PLEKHA8: variants seen among roughly 807,000 people sequenced by gnomAD.
PLEKHA8 encodes the protein pleckstrin homology domain containing A8, also known as pleckstrin homology domain-containing family A member 8.
A neutral mutation model predicts 68.2 loss-of-function variants in PLEKHA8; 36 were observed. The observed-to-expected ratio is 0.53, with a 90% CI of 0.40 to 0.70. The LOEUF is 0.70. PLEKHA8 is among the 30% of genes least tolerant of loss of function. The pLI is 0.00. For synonymous variants in PLEKHA8, 211 were observed against 216.1 expected (o/e 0.98, Z 0.20); for missense variants, 505 against 615.4 (o/e 0.82, Z 1.90).
rs1390735834 is a variant in PLEKHA8, at chr7:30,052,711, A to G, written c.641A>G (p.Gln214Arg). The G allele has an allele frequency of 4.5e-6, 7 of 1,540,354 alleles. No homozygotes were observed. In the East Asian group the frequency reaches 1.7e-4, roughly 37 times the overall value. Residue 214 changes from glutamine (Q) to arginine (R), a missense_variant and splice_region_variant, in exon 7 of 14, where the codon CAA (glutamine) becomes CGA (arginine). Physicochemically the swap from Gln to Arg is conservative, Grantham distance 43. Coordinates refer to ENST00000449726, the MANE Select transcript of PLEKHA8 (RefSeq NM_001197026.2). ...IIPIHNSLER[Q>R]MELSTCENGS... ...TTTTCCTTTTAAAAAATTTGCAGGC[A>G]AATGGAGTTGAGCACTTGTGAAAAT...
At chr7:30,089,330 A>G (rs1171429086), downstream of PLEKHA8, among the ~76,000 whole-genome samples, 1 of 150,974 alleles carries the variant, frequency 6.6e-6, no homozygotes, top group East Asian at 2.0e-4. Context: ...CTCTCACAAG[A>G]AGCCCGCCCC....
chr7:30,115,878 A>C (rs1382325111), intron 13 of PLEKHA8: 1 of 144,694 alleles, frequency 6.9e-6, no homozygotes, highest in Non-Finnish European at 1.5e-5. Context: ...ACATGTAGGC[A>C]CGCATACATG....
intron 13 of PLEKHA8, 97 bp from the exon 14 acceptor site, chr7:30,078,493 A>G: frequency 4.8e-6 from 6 of 1,255,622 alleles, no homozygotes; most frequent in Admixed American, 1.9e-5. Flanking sequence ...AGCTGTTTGT[A>G]TGTGTGAAAG....
At chr7:30,056,758 T>TAA (rs1792998298) in intron 9 of PLEKHA8, among the ~76,000 whole-genome samples, 4 of 125,242 alleles carry the variant, frequency 3.2e-5, no homozygotes, top group African/African-American at 1.3e-4. Context: ...TGTGTGTGTG[T>TAA]GTGTGTGTGT....
intron 13 of PLEKHA8, among the ~76,000 whole-genome samples, chr7:30,116,851 A>G (rs1259325693): frequency 6.6e-6 from 1 of 152,218 alleles, no homozygotes. Flanking sequence ...AAATAACAGA[A>G]TTTAGCAGCA....
chr7:30,119,788 C>A (rs551794450), intron 13 of PLEKHA8, among the ~76,000 whole-genome samples: 37 of 152,350 alleles, frequency 2.4e-4, no homozygotes, highest in Non-Finnish European at 4.6e-4. Flanking sequence ...AAAGCTTCCA[C>A]CCTGCTTCAT....
rs113954074 is a variant in PLEKHA8, at chr7:30,063,414, G to T, written c.1300+672G>T. ...GTTGAGATTGGGGAGCATCCTTAGA[G>T]TGCTTCTAATGGAGTGGCTGAACTC... is the stretch of plus-strand genomic sequence containing the variant. On this transcript the variant is annotated intron_variant, in intron 12 of 13. Coordinates refer to ENST00000449726, the MANE Select transcript of PLEKHA8 (RefSeq NM_001197026.2). Among the ~76,000 whole-genome samples the T allele has an allele frequency of 2.5e-4, 38 of 152,342 alleles. 1 individual carries two copies. The highest frequency in any genetic ancestry group is 7.5e-4 in the African/African-American group (31 of 41,584).
At chr7:30,095,741 A>G (rs553345927), downstream of PLEKHA8, among the ~76,000 whole-genome samples, 216 of 152,300 alleles carry the variant, frequency 1.4e-3, 1 homozygote, top group Non-Finnish European at 2.5e-3. Flanking sequence ...CTTTCTACAT[A>G]TGGCTAGCCA....
chr7:30,055,137 A>G (rs936491964), intron 8 of PLEKHA8, 120 bp from the exon 9 acceptor site: 5 of 883,428 alleles, frequency 5.7e-6, no homozygotes, highest in East Asian at 2.5e-5. Flanking sequence ...TTACTGGGGC[A>G]TATCAAGTCA....
rs959090338 is a variant in PLEKHA8, at chr7:30,028,553, G to A, written c.-210G>A. ...GCTTCGCCCCACGGGTTCACCGGCTGGCTGGGCTTCAAGCGCCGAGGCCGC... is the reference window on the plus strand; with the variant it reads ...GCTTCGCCCCACGGGTTCACCGGCTAGCTGGGCTTCAAGCGCCGAGGCCGC... On this transcript the variant is annotated 5_prime_UTR_variant, in exon 1 of 14. Transcript: ENST00000449726. The A allele has an allele frequency of 1.6e-5, 6 of 379,392 alleles. No individual in the cohort carries two copies. The East Asian group carries it at 2.3e-4, about 15-fold the overall frequency. 23.5% of individuals were successfully genotyped at this position (379,392 alleles called of 1,614,324 possible).
rs762722328 is a variant in PLEKHA8, at chr7:30,030,118, G to A, written c.40+1316G>A. 2.6e-5 allele frequency among the ~76,000 whole-genome samples: 4 copies of A among 152,176 alleles called. No individual in the cohort carries two copies. In the South Asian group the frequency reaches 6.2e-4, roughly 24 times the overall value. The stretch of plus-strand genomic sequence containing the variant: ...ATCAACACTGCTAACCTAAGGGGAG[G>A]AGGCTCGACCTGGCAGTTTTCCTTC... On this transcript the variant is annotated intron_variant, in intron 1 of 13. Transcript: ENST00000449726.
intron 1 of PLEKHA8, among the ~76,000 whole-genome samples, chr7:30,029,006 A>G (rs1365803032): frequency 6.6e-6 from 1 of 152,226 alleles, no homozygotes; most frequent in Non-Finnish European, 1.5e-5. Flanking sequence ...GGGTTGGTTA[A>G]GAGCTGTGGC....
At position 30,080,588 on chromosome 7, in the gene PLEKHA8, GTATTTTGCCCACA is replaced by G; in HGVS notation, c.*1804_*1816del. 1.0e-6 allele frequency: 1 copy of G among 985,318 alleles called. No individual in the cohort carries two copies. Among genetic ancestry groups the G allele is most frequent in the Non-Finnish European group, 1.2e-6 (1 of 829,904 alleles). 61.0% of individuals were successfully genotyped at this position (985,318 alleles called of 1,614,324 possible). A position where few individuals can be genotyped will look rare whatever the true frequency, so the allele number is the denominator to read the frequency against. Reference sequence around the variant, plus strand: ...CATTTATTTAGCTCAGATTAATTAGGTATTTTGCCCACATAAAGACTTCTGGAAAATACTTAAA... The same window carrying G: ...CATTTATTTAGCTCAGATTAATTAGGTAAAGACTTCTGGAAAATACTTAAA... On this transcript the variant is annotated 3_prime_UTR_variant, in exon 14 of 14. Coordinates refer to ENST00000449726, the MANE Select transcript of PLEKHA8 (RefSeq NM_001197026.2).
intron 13 of PLEKHA8, among the ~76,000 whole-genome samples, chr7:30,077,222 T>A (rs1794661656): frequency 6.6e-6 from 1 of 152,208 alleles, no homozygotes; most frequent in Admixed American, 6.5e-5. Flanking sequence ...ATCTGTTCCT[T>A]GTCCCTTTCG....
In PLEKHA8 at chr7:30,106,513, A is replaced by T. The variant is rs182875013; in HGVS notation, c.1363-22753A>T. ...ATAGCAGCAGCACCATCATATATAA[A>T]TGATTTTAACTCTAGGTCCTCTCTT... On this transcript the variant is annotated intron_variant, in intron 13 of 13. Transcript: ENST00000396257. Among the ~76,000 whole-genome samples, 72 of 152,344 alleles carry T rather than the reference A, an allele frequency of 4.7e-4. No individual in the cohort carries two copies. In the East Asian group the frequency reaches 0.012, roughly 26 times the overall value.
chr7:30,072,583 T>A (rs537570057), intron 12 of PLEKHA8, among the ~76,000 whole-genome samples: 2 of 152,370 alleles, frequency 1.3e-5, no homozygotes, highest in Admixed American at 6.5e-5. Flanking sequence ...CTTGGCAATG[T>A]CCTGTGAACC....
chr7:30,115,986 ATG>A (rs375501687), intron 13 of PLEKHA8: 33 of 139,168 alleles, frequency 2.4e-4, no homozygotes, highest in African/African-American at 8.5e-4. Flanking sequence ...GCATGCATGT[ATG>A]CATACGCATA....
At chr7:30,085,742 G>A (rs1339037171), downstream of PLEKHA8, among the ~76,000 whole-genome samples, 3 of 152,192 alleles carry the variant, frequency 2.0e-5, no homozygotes, top group Admixed American at 2.0e-4. Context: ...TGAAAGAAGA[G>A]AGAAACAGGA....
chr7:30,110,641 A>G (rs994803395), intron 13 of PLEKHA8, among the ~76,000 whole-genome samples: 1 of 152,218 alleles, frequency 6.6e-6, no homozygotes, highest in Non-Finnish European at 1.5e-5. Context: ...GTCCAGCAGC[A>G]ATATATAAGG....
Sources: allele counts gnomAD v4.1 joint callset (sites outside exome capture counted in the v4.1 genomes callset), GRCh38; gene constraint gnomAD v4.1.1; transcripts MANE v1.5; gene names NCBI Gene and HGNC (gene_info 2026-07-23, HGNC 2026-07-21).